Variants in PRPF19 observed in about 807,000 individuals in gnomAD.
PRPF19 encodes the protein pre-mRNA-processing factor 19.
PRPF19 carries 2 observed loss-of-function variants against 64.2 expected under a neutral mutation model. The ratio of observed to expected loss-of-function variants is 0.03; its 90% CI spans 0.01 to 0.10. The LOEUF (loss-of-function observed/expected upper bound fraction) is 0.10. Among genes scored for constraint, PRPF19 ranks in the 10% least tolerant of loss-of-function variants. The pLI, the probability that PRPF19 is intolerant of heterozygous loss-of-function variation, is 1.00. For synonymous variants in PRPF19, 226 were observed against 251.6 expected (o/e 0.90, Z 0.96); for missense variants, 314 against 650.0 (o/e 0.48, Z 5.62).
chr11:60,899,535 C>G (rs1300718663), intron 10 of PRPF19, among the ~76,000 whole-genome samples: 1 of 152,218 alleles, frequency 6.6e-6, no homozygotes, highest in East Asian at 1.9e-4. Flanking sequence ...TCCTCGCCAT[C>G]TAGTGGTAAA....
In PRPF19 at chr11:60,890,883, A is replaced by C; in HGVS notation, c.*283T>G. 1.8e-6 allele frequency: 1 copy of C among 554,862 alleles called. No homozygotes were observed. Among genetic ancestry groups the C allele is most frequent in the Non-Finnish European group, 3.4e-6 (1 of 291,458 alleles). 34.4% of individuals were successfully genotyped at this position (554,862 alleles called of 1,614,324 possible). A position where few individuals can be genotyped will look rare whatever the true frequency, so the allele number is the denominator to read the frequency against. ...GTGTGGAACAGCCACCACCACGTCCATTGAACGACAGGAAGGGAGAGGCCC... is the reference window on the plus strand; with the variant it reads ...GTGTGGAACAGCCACCACCACGTCCCTTGAACGACAGGAAGGGAGAGGCCC... On this transcript the variant is annotated 3_prime_UTR_variant, in exon 16 of 16. Coordinates refer to ENST00000227524, the MANE Select transcript of PRPF19 (RefSeq NM_014502.5).
intron 15 of PRPF19, among the ~76,000 whole-genome samples, chr11:60,892,404 G>C (rs964208507): frequency 6.6e-6 from 1 of 152,154 alleles, no homozygotes; most frequent in Non-Finnish European, 1.5e-5. Flanking sequence ...GAGAACAACT[G>C]CAAATCCTGA....
In PRPF19 at chr11:60,902,710, G is replaced by A; in HGVS notation, c.388+30C>T. ...GATATTACAATGCAGAACCAGCCCA[G>A]GGTGGGGGATGGCAGGGGAGAGGCT... is the stretch of plus-strand genomic sequence containing the variant. On this transcript the variant is annotated intron_variant, in intron 4 of 15. Coordinates refer to ENST00000227524, the MANE Select transcript of PRPF19 (RefSeq NM_014502.5). The surrounding 1 kb of genome is among the most constrained non-coding windows in gnomAD (Gnocchi z 5.0). 1 of 1,614,228 alleles carries A rather than the reference G, an allele frequency of 6.2e-7. No individual in the cohort carries two copies. Among genetic ancestry groups the A allele is most frequent in the Non-Finnish European group, 8.5e-7 (1 of 1,180,034 alleles).
intron 15 of PRPF19, among the ~76,000 whole-genome samples, chr11:60,894,972 G>C (rs1456098578): frequency 6.6e-6 from 1 of 152,244 alleles, no homozygotes; most frequent in African/African-American, 2.4e-5. Context: ...AAACAGATGT[G>C]TTGTCATCCA....
At chr11:60,897,753 T>A in intron 15 of PRPF19, 93 bp downstream of exon 15, 1 of 1,091,172 alleles carries the variant, frequency 9.2e-7, no homozygotes, top group Non-Finnish European at 1.4e-6. Flanking sequence ...CTTAGGTAAA[T>A]TCATGCAAGC....
chr11:60,906,207 C>G (rs1327670722), intron 1 of PRPF19, among the ~76,000 whole-genome samples, 157 bp downstream of exon 1: 4 of 152,086 alleles, frequency 2.6e-5, no homozygotes, highest in Non-Finnish European at 1.5e-5. Flanking sequence ...CACCCCGCTC[C>G]GACGGGGGGG....
At chr11:60,901,046 T>C in intron 8 of PRPF19, 117 bp from the exon 9 acceptor site, 1 of 1,201,328 alleles carries the variant, frequency 8.3e-7, no homozygotes, top group Non-Finnish European at 1.2e-6. Context: ...CAAGAGTTAC[T>C]TCTATTCCTT....
Position 60,902,321 on chromosome 11 carries a change from G to T in PRPF19, c.525+82C>A. On this transcript the variant is annotated intron_variant, in intron 6 of 15. Coordinates refer to ENST00000227524, the MANE Select transcript of PRPF19 (RefSeq NM_014502.5). This position sits in a 1 kb window ranked among gnomAD's most constrained non-coding sequence, Gnocchi z 5.0. ...ACCACTCAACTCCCAAAAGCACAGT[G>T]ATTTTAGTCACGATGGACTCCAGAC... 1 of 1,478,038 alleles carries T rather than the reference G, an allele frequency of 6.8e-7. No homozygotes were observed. The highest frequency in any genetic ancestry group is 9.4e-7 in the Non-Finnish European group (1 of 1,063,464). 91.6% of individuals were successfully genotyped at this position (1,478,038 alleles called of 1,614,324 possible).
chr11:60,902,210 G>C lies in PRPF19; in HGVS notation c.525+193C>G, dbSNP rs1855990172. 6.6e-6 allele frequency among the ~76,000 whole-genome samples: 1 copy of C among 152,164 alleles called. No individual in the cohort carries two copies. The highest frequency in any genetic ancestry group is 1.5e-5 in the Non-Finnish European group (1 of 68,018). ...AGGGAAATGAGACACGTAAGGGTTG[G>C]CTAAGTAAGCCAAGGTCATAAAGCT... On this transcript the variant is annotated intron_variant, in intron 6 of 15. Coordinates refer to ENST00000227524, the MANE Select transcript of PRPF19 (RefSeq NM_014502.5). This position sits in a 1 kb window ranked among gnomAD's most constrained non-coding sequence, Gnocchi z 5.0.
Position 60,899,302 on chromosome 11 carries a change from G to A in PRPF19, c.831C>T (p.Asp277=). The A allele has an allele frequency of 2.5e-6, 4 of 1,609,700 alleles. No individual in the cohort carries two copies. The highest frequency in any genetic ancestry group is 2.7e-5 in the African/African-American group (2 of 74,924). Residue 277 remains aspartate, a splice_region_variant and synonymous_variant, in exon 11 of 16, where the codon GAC becomes GAT. Transcript: ENST00000227524. ...VTSVVFHPSQ[D]LVFSASPDAT... is the part of the protein sequence containing the mutation. ...CATCGGGGGAAGCAGAAAACACCAG[G>A]TCCTACAAGGAAAACAAAGACAGAA... is the stretch of plus-strand genomic sequence containing the variant.
chr11:60,903,114 C>T (rs1281958543), intron 3 of PRPF19, among the ~76,000 whole-genome samples: 1 of 152,224 alleles, frequency 6.6e-6, no homozygotes, highest in African/African-American at 2.4e-5. Context: ...CCCATCCCCA[C>T]CTTCCCTAAC....
intron 15 of PRPF19, among the ~76,000 whole-genome samples, chr11:60,895,957 T>C (rs561415076): frequency 2.0e-5 from 3 of 152,200 alleles, no homozygotes; most frequent in East Asian, 3.9e-4. Context: ...ACAATTACAA[T>C]AGCAACATCA....
At chr11:60,900,118 G>T (rs532934935) in intron 10 of PRPF19, among the ~76,000 whole-genome samples, 1 of 152,048 alleles carries the variant, frequency 6.6e-6, no homozygotes, top group Non-Finnish European at 1.5e-5. Flanking sequence ...CATTAATCTG[G>T]TCCCATGAGT....
Position 60,898,970 on chromosome 11 carries a change from G to A in PRPF19, c.985-39C>T. ...AAGAGACAATGGAGTCAGTGAGAAAGTGGGTCCCAGGTTCTGGTGGCCCTT... is the reference window on the plus strand; with the variant it reads ...AAGAGACAATGGAGTCAGTGAGAAAATGGGTCCCAGGTTCTGGTGGCCCTT... On this transcript the variant is annotated intron_variant, in intron 11 of 15. Transcript: ENST00000227524. This position sits in a 1 kb window ranked among gnomAD's most constrained non-coding sequence, Gnocchi z 4.6. 1 of 1,547,088 alleles carries A rather than the reference G, an allele frequency of 6.5e-7. No individual in the cohort carries two copies.
intron 15 of PRPF19, among the ~76,000 whole-genome samples, chr11:60,894,953 C>T (rs1360747606): frequency 6.6e-6 from 1 of 152,180 alleles, no homozygotes; most frequent in Non-Finnish European, 1.5e-5. Flanking sequence ...ATTCAGTAAA[C>T]CATGCTGTAA....
At position 60,899,252 on chromosome 11, in the gene PRPF19, G is replaced by C. The variant is rs1855955643; in HGVS notation, c.881C>G (p.Pro294Arg). The C allele has an allele frequency of 6.2e-7, 1 of 1,613,648 alleles. No individual in the cohort carries two copies. Among genetic ancestry groups the C allele is most frequent in the African/African-American group, 1.3e-5 (1 of 74,928 alleles). Residue 294 changes from proline to arginine, a missense_variant, in exon 11 of 16, where the codon CCC (proline) becomes CGC (arginine). Physicochemically the swap from Pro to Arg is moderately radical, Grantham distance 103. This residue lies in a region of PRPF19 where 175 missense variants were observed against 342.9 expected (regional missense o/e 0.51). Coordinates refer to ENST00000227524, the MANE Select transcript of PRPF19 (RefSeq NM_014502.5). ...PDATIRIWSV[P>R]NASCVQVVRA... The stretch of plus-strand genomic sequence containing the variant: ...AACCACCTGTACACAAGAGGCATTG[G>C]GGACCGACCAAATCCTGATAGTGGC...
Position 60,890,844 on chromosome 11 carries a change from C to T in PRPF19, c.*322G>A. The T allele has an allele frequency of 4.0e-6, 2 of 505,430 alleles. No homozygotes were observed. Among genetic ancestry groups the T allele is most frequent in the African/African-American group, 1.9e-5 (1 of 52,052 alleles). 31.3% of individuals were successfully genotyped at this position (505,430 alleles called of 1,614,324 possible). ...CTCAGCCTCTCCTGTCTCACAGGAA[C>T]TGCAACAAAATGGGTGTGGAACAGC... is the stretch of plus-strand genomic sequence containing the variant. On this transcript the variant is annotated 3_prime_UTR_variant, in exon 16 of 16. Coordinates refer to ENST00000227524, the MANE Select transcript of PRPF19 (RefSeq NM_014502.5).
rs922277775 is a variant in PRPF19 at position 60,898,441 on chromosome 11, C to T, written c.1140+100G>A. ...CACACACGCACAGCCAGTGTCTCTC[C>T]ACCTTCAGGGCCAGGTGCCACAAGC... On this transcript the variant is annotated intron_variant, in intron 13 of 15. Coordinates refer to ENST00000227524, the MANE Select transcript of PRPF19 (RefSeq NM_014502.5). The surrounding 1 kb of genome is among the most constrained non-coding windows in gnomAD (Gnocchi z 4.6). The T allele has an allele frequency of 6.0e-5, 95 of 1,581,670 alleles. No individual in the cohort carries two copies. The highest frequency in any genetic ancestry group is 7.9e-5 in the Non-Finnish European group (92 of 1,162,440).
At chr11:60,900,824 T>C in intron 9 of PRPF19, 30 bp downstream of exon 9, 1 of 1,613,294 alleles carries the variant, frequency 6.2e-7, no homozygotes, top group Non-Finnish European at 8.5e-7. Flanking sequence ...CTCCCCACTT[T>C]GGCCTGCCGG....
Sources: gnomAD v4.1 joint callset for allele counts (sites outside exome capture counted in the v4.1 genomes callset) on GRCh38, gnomAD v4.1.1 for gene constraint, gnomAD v4.1.1 regional missense constraint, Gnocchi (gnomAD v3.1) non-coding constraint, MANE v1.5 for transcripts, NCBI Gene and HGNC (gene_info 2026-07-23, HGNC 2026-07-21) for gene names.